CUL9: variants seen among roughly 807,000 people sequenced by gnomAD.
CUL9 encodes the protein cullin 9.
CUL9 carries 79 observed loss-of-function variants against 272.6 expected under a neutral mutation model. The observed-to-expected ratio is 0.29, with a 90% CI of 0.24 to 0.35. CUL9 has a LOEUF of 0.35. Ranked by LOEUF, CUL9 falls within the 10% of genes least tolerant of loss-of-function variation. CUL9 has a pLI of 1.00. For synonymous variants in CUL9, 1,186 were observed against 1,286.5 expected, an observed-to-expected ratio of 0.92 and a Z score of 1.67; for missense variants, 2,532 against 3,255.6, an observed-to-expected ratio of 0.78 and a Z score of 5.41.
At chr6:43,191,112 A>G (rs538840571) in intron 8 of CUL9, among the ~76,000 whole-genome samples, 2 of 151,932 alleles carry the variant, frequency 1.3e-5, no homozygotes, top group South Asian at 2.1e-4. Context: ...ATATTTTCCT[A>G]TATTTTCCAA....
At position 43,184,521 on chromosome 6, in the gene CUL9, G is replaced by C; in HGVS notation, c.211G>C (p.Glu71Gln). 1 of 1,612,736 alleles carries C rather than the reference G, an allele frequency of 6.2e-7. No individual in the cohort carries two copies. The highest frequency in any genetic ancestry group is 8.5e-7 in the Non-Finnish European group (1 of 1,178,982). ...CATCCTCATGTGGCTGTCGGCTCCT[G>C]AGGTCTACGCCAACTGCCCTGGGCT... Reference protein sequence around the residue: ...EHILMWLSAPEVYANCPGLLG... With the variant: ...EHILMWLSAPQVYANCPGLLG... The change falls in exon 2 of 41, where the codon GAG (glutamate) becomes CAG (glutamine). Residue 71 changes from glutamate to glutamine, a missense_variant. Around this residue, in one of 3 missense-constraint regions of CUL9, gnomAD observed 2,218 missense variants for 2,788.6 expected, o/e 0.80. Coordinates refer to ENST00000252050, the MANE Select transcript of CUL9 (RefSeq NM_015089.4). The surrounding 1 kb of genome is among the most constrained non-coding windows in gnomAD (Gnocchi z 4.8).
intron 1 of CUL9, among the ~76,000 whole-genome samples, chr6:43,182,552 C>T (rs1050957047): frequency 1.3e-5 from 2 of 151,956 alleles, no homozygotes; most frequent in Non-Finnish European, 2.9e-5. Context: ...TTTATTGTTG[C>T]TCTTCTAGGC....
chr6:43,219,240 C>T (rs1163662895), intron 31 of CUL9, among the ~76,000 whole-genome samples: 2 of 152,104 alleles, frequency 1.3e-5, no homozygotes, highest in Non-Finnish European at 2.9e-5. Context: ...GGCAGATGAA[C>T]AGGCTGATTG....
In CUL9 at chr6:43,204,357, C is replaced by T; in HGVS notation, c.4160-3C>T. On this transcript the variant is annotated splice_region_variant and splice_polypyrimidine_tract_variant and intron_variant, in intron 20 of 40. Transcript: ENST00000252050. ...GACCTGTTCCTGACCTGTCTTCTTT[C>T]AGATGCGGAAGGCGTGAGTGCCCTG... 1 of 1,613,666 alleles carries T rather than the reference C, an allele frequency of 6.2e-7. No homozygotes were observed. Among genetic ancestry groups the T allele is most frequent in the Non-Finnish European group, 8.5e-7 (1 of 1,179,608 alleles).
intron 9 of CUL9, 51 bp downstream of exon 9, chr6:43,193,259 T>G (rs997375067): frequency 1.3e-6 from 2 of 1,543,480 alleles, no homozygotes; most frequent in Admixed American, 1.7e-5. Context: ...ACAGGCAGAC[T>G]GGGGACTACT....
At position 43,193,208 on chromosome 6, in the gene CUL9, G is replaced by A. The variant is rs764065423; in HGVS notation, c.2388G>A (p.Ala796=). ...TSVLVQQAGL[A]ALKMLAVASS... Reference sequence around the variant, plus strand: ...TCTTGGTGCAGCAGGCTGGGCTGGCGGTGAGTACATTGGGCCTGGCGGGAG... The same window carrying A: ...TCTTGGTGCAGCAGGCTGGGCTGGCAGTGAGTACATTGGGCCTGGCGGGAG... Residue 796 remains alanine (A), a splice_region_variant and synonymous_variant, in exon 9 of 41, where the codon GCG becomes GCA. Coordinates refer to ENST00000252050, the MANE Select transcript of CUL9 (RefSeq NM_015089.4). 2.5e-5 allele frequency: 40 copies of A among 1,613,708 alleles called. No individual in the cohort carries two copies. Among genetic ancestry groups the A allele is most frequent in the Non-Finnish European group, 3.2e-5 (38 of 1,179,824 alleles).
Position 43,205,059 on chromosome 6 carries a change from C to T in CUL9, c.4576C>T (p.Leu1526=), listed in dbSNP as rs142872605. 5 of 1,610,832 alleles carry T rather than the reference C, an allele frequency of 3.1e-6. No individual in the cohort carries two copies. The Admixed American group carries it at 5.0e-5, about 16-fold the overall frequency. The change falls in exon 23 of 41, where the codon CTG becomes TTG. Residue 1526 remains leucine (L), a synonymous_variant. Coordinates refer to ENST00000252050, the MANE Select transcript of CUL9 (RefSeq NM_015089.4). ...GCCTCGGGCAGCCTTCATGCTGGCT[C>T]TGCGCAGTGGCTTCTCTGGCGCCTT... The part of the protein sequence containing the change: ...FGPRAAFMLA[L]RSGFSGALLQ...
chr6:43,201,943 A>C (rs1349241871), intron 16 of CUL9, among the ~76,000 whole-genome samples: 2 of 152,246 alleles, frequency 1.3e-5, no homozygotes, highest in Non-Finnish European at 2.9e-5. Flanking sequence ...TTTTTTATTG[A>C]GAAAGCTCAC....
At chr6:43,194,682 T>C (rs1410302189) in intron 9 of CUL9, among the ~76,000 whole-genome samples, 1 of 151,994 alleles carries the variant, frequency 6.6e-6, no homozygotes, top group African/African-American at 2.4e-5. Context: ...ATCATCATGC[T>C]CAAAGAATTC....
chr6:43,184,340 C>T lies in CUL9; in HGVS notation c.30C>T (p.Leu10=), dbSNP rs746722983. The part of the protein sequence containing the change: MVGERHAGD[L]MVPLGPRLQA... ...TGGGGGAACGGCATGCTGGGGACCT[C>T]ATGGTGCCCTTAGGGCCTCGGCTGC... The change falls in exon 2 of 41, where the codon CTC becomes CTT. Residue 10 remains leucine, a synonymous_variant. Coordinates refer to ENST00000252050, the MANE Select transcript of CUL9 (RefSeq NM_015089.4). This position sits in a 1 kb window ranked among gnomAD's most constrained non-coding sequence, Gnocchi z 4.8. 2 of 1,555,960 alleles carry T rather than the reference C, an allele frequency of 1.3e-6. No individual in the cohort carries two copies. The highest frequency in any genetic ancestry group is 1.9e-5 in the Admixed American group (1 of 53,918).
intron 31 of CUL9, among the ~76,000 whole-genome samples, chr6:43,217,705 A>G (rs1941249912): frequency 6.6e-6 from 1 of 152,126 alleles, no homozygotes; most frequent in Non-Finnish European, 1.5e-5. Context: ...CTCCTCTCAC[A>G]TAGTTGCTTA....
rs1775724706 is a variant in CUL9 at position 43,213,819 on chromosome 6, G to C, written c.5595G>C (p.Leu1865=). The C allele has an allele frequency of 9.3e-6, 15 of 1,614,168 alleles. No homozygotes were observed. The highest frequency in any genetic ancestry group is 1.3e-5 in the Non-Finnish European group (15 of 1,180,026). ...LNVEKDEGRT[L]EQKRNLLSCL... ...TAGAGAAGGATGAAGGCCGAACCCT[G>C]GAACAGAAGAGGAATCTCTTGAGCT... Residue 1865 remains leucine (L), a synonymous_variant, in exon 29 of 41, where the codon CTG becomes CTC. Transcript: ENST00000252050. The surrounding 1 kb of genome is among the most constrained non-coding windows in gnomAD (Gnocchi z 5.7).
intron 16 of CUL9, among the ~76,000 whole-genome samples, chr6:43,201,955 C>G (rs1038658733): frequency 6.6e-6 from 1 of 152,208 alleles, no homozygotes; most frequent in Non-Finnish European, 1.5e-5. Context: ...AAAGCTCACT[C>G]TGGCAACTAT....
intron 29 of CUL9, 90 bp from the exon 30 acceptor site, chr6:43,214,989 G>A (rs926108529): frequency 3.5e-6 from 5 of 1,448,468 alleles, no homozygotes; most frequent in African/African-American, 1.4e-5. Flanking sequence ...AAAAAAAGGG[G>A]GGGAAAAATA....
intron 23 of CUL9, 73 bp from the exon 24 acceptor site, chr6:43,205,190 C>T: frequency 1.3e-6 from 2 of 1,587,922 alleles, no homozygotes; most frequent in South Asian, 2.3e-5. Context: ...GCCCTTTCAC[C>T]TCCTTTCGCT....
rs1774772007 is a variant in CUL9, at chr6:43,203,299, C to T, written c.3849+95C>T. On this transcript the variant is annotated intron_variant, in intron 18 of 40. Coordinates refer to ENST00000252050, the MANE Select transcript of CUL9 (RefSeq NM_015089.4). This position sits in a 1 kb window ranked among gnomAD's most constrained non-coding sequence, Gnocchi z 5.0. ...GGAGATGGCCCAGGACCTGTTGAGT[C>T]CCAGAGATGTGGGGATGTCCTGAGC... is the stretch of plus-strand genomic sequence containing the variant. 6.3e-7 allele frequency: 1 copy of T among 1,591,798 alleles called. No homozygotes were observed. Among genetic ancestry groups the T allele is most frequent in the Non-Finnish European group, 8.6e-7 (1 of 1,160,918 alleles).
At chr6:43,208,475 G>T (rs1340752503) in intron 26 of CUL9, among the ~76,000 whole-genome samples, 2 of 152,160 alleles carry the variant, frequency 1.3e-5, no homozygotes, top group Non-Finnish European at 2.9e-5. Context: ...CAAATTGCTG[G>T]GATTATAGGC....
rs2150571477 is a variant in CUL9 at position 43,200,122 on chromosome 6, A to C, written c.3350A>C (p.Asn1117Thr). Residue 1117 changes from asparagine to threonine, a missense_variant, in exon 14 of 41, where the codon AAC becomes ACC. Physicochemically the swap from Asn to Thr is moderately conservative, Grantham distance 65. Coordinates refer to ENST00000252050, the MANE Select transcript of CUL9 (RefSeq NM_015089.4). This position sits in a 1 kb window ranked among gnomAD's most constrained non-coding sequence, Gnocchi z 4.0. ...ECEKYAQLYS[N>T]LTSSILAGCI... is the part of the protein sequence containing the mutation. Reference sequence around the variant, plus strand: ...GAGAAGTACGCACAGCTCTATAGCAACCTCACCTCCAGCATCCTGGCCGGC... The same window carrying C: ...GAGAAGTACGCACAGCTCTATAGCACCCTCACCTCCAGCATCCTGGCCGGC... 6.2e-7 allele frequency: 1 copy of C among 1,614,124 alleles called. No homozygotes were observed. Among genetic ancestry groups the C allele is most frequent in the Non-Finnish European group, 8.5e-7 (1 of 1,180,006 alleles).
chr6:43,196,795 C>G lies in CUL9; in HGVS notation c.2736C>G (p.Thr912=), dbSNP rs886914222. 6.2e-7 allele frequency: 1 copy of G among 1,614,172 alleles called. No homozygotes were observed. Among genetic ancestry groups the G allele is most frequent in the Non-Finnish European group, 8.5e-7 (1 of 1,180,036 alleles). Residue 912 remains threonine (T), a synonymous_variant, in exon 11 of 41, where the codon ACC becomes ACG. Transcript: ENST00000252050. ...CACCAAGAACAGAACCTATGCCTAC[C>G]ACACGCACCATCCTCATGATGCTTC... ...GIAPRTEPMP[T]TRTILMMLLN...
Sources: gnomAD v4.1 joint callset for allele counts (sites outside exome capture counted in the v4.1 genomes callset) on GRCh38, gnomAD v4.1.1 for gene constraint, gnomAD v4.1.1 regional missense constraint, Gnocchi (gnomAD v3.1) non-coding constraint, MANE v1.5 for transcripts, NCBI Gene and HGNC (gene_info 2026-07-23, HGNC 2026-07-21) for gene names.